Variants in AKAP6 observed in about 807,000 individuals in gnomAD.
The protein encoded by AKAP6 is A-kinase anchor protein 6.
In AKAP6, 58 loss-of-function variants were observed where a neutral mutation model predicts 188.5. The ratio of observed to expected loss-of-function variants is 0.31; its 90% CI spans 0.25 to 0.38. AKAP6 has a LOEUF of 0.38. AKAP6 is among the 10% of genes least tolerant of loss of function. The pLI is 1.00. For synonymous variants in AKAP6, 989 were observed against 998.6 expected, an observed-to-expected ratio of 0.99 and a Z score of 0.18; for missense variants, 2,710 against 2,740.0, an observed-to-expected ratio of 0.99 and a Z score of 0.24.
intron 7 of AKAP6, among the ~76,000 whole-genome samples, chr14:32,615,154 C>G (rs1397816326): frequency 5.4e-5 from 3 of 55,524 alleles, no homozygotes; most frequent in African/African-American, 1.0e-4. Context: ...GGCAACAGAG[C>G]AAGACTCTGT....
chr14:32,373,687 T>C (rs1299141299), intron 1 of AKAP6: 1 of 152,220 alleles, frequency 6.6e-6, no homozygotes, highest in African/African-American at 2.4e-5. Flanking sequence ...CGAAGTTAGT[T>C]CAGCCTATGC....
intron 1 of AKAP6, among the ~76,000 whole-genome samples, chr14:32,377,242 A>G (rs1304662199): frequency 1.3e-5 from 2 of 152,056 alleles, no homozygotes; most frequent in Non-Finnish European, 2.9e-5. Context: ...TGATGCAATT[A>G]TTTCTCTCGC....
intron 9 of AKAP6, among the ~76,000 whole-genome samples, chr14:32,699,799 CACTT>C (rs1231708680): frequency 9.8e-5 from 15 of 152,330 alleles, no homozygotes; most frequent in African/African-American, 3.6e-4. Context: ...CCCACTCTCT[CACTT>C]TCTTTCTCGT....
chr14:32,638,865 A>G (rs909152565), intron 7 of AKAP6, among the ~76,000 whole-genome samples: 6 of 152,030 alleles, frequency 3.9e-5, no homozygotes, highest in African/African-American at 1.4e-4. Flanking sequence ...TAATATAACT[A>G]TAATGCCAGA....
intron 7 of AKAP6, among the ~76,000 whole-genome samples, chr14:32,622,124 TG>T (rs1365106053): frequency 1.3e-5 from 2 of 152,146 alleles, no homozygotes; most frequent in Admixed American, 6.6e-5. Flanking sequence ...AAAGAAGGAA[TG>T]TACCACTGTA....
chr14:32,675,804 G>C (rs151165154), intron 7 of AKAP6, among the ~76,000 whole-genome samples: 2 of 152,140 alleles, frequency 1.3e-5, no homozygotes, highest in African/African-American at 4.8e-5. Context: ...ACTATTTTTC[G>C]AGTTACTCTC....
In AKAP6 at chr14:32,603,091, G is replaced by A. The variant is rs2139358885; in HGVS notation, c.2730+2299G>A. ...GAAGTGATCTAGATTAGGGTATCAG[G>A]GAGGGATTGTCATTCTGTGAACAGG... On this transcript the variant is annotated intron_variant, in intron 7 of 13. Transcript: ENST00000280979. Among the ~76,000 whole-genome samples, 3 of 152,326 alleles carry A rather than the reference G, an allele frequency of 2.0e-5. No individual in the cohort carries two copies. The South Asian group carries it at 6.2e-4, about 32-fold the overall frequency.
intron 3 of AKAP6, among the ~76,000 whole-genome samples, chr14:32,538,094 A>G (rs112709011): frequency 3.9e-5 from 6 of 152,338 alleles, no homozygotes; most frequent in South Asian, 2.1e-4. Flanking sequence ...ATATATTTCT[A>G]TGAATTAAAG....
At chr14:32,502,097 A>G (rs1880637167) in intron 2 of AKAP6, among the ~76,000 whole-genome samples, 1 of 152,138 alleles carries the variant, frequency 6.6e-6, no homozygotes, top group Non-Finnish European at 1.5e-5. Flanking sequence ...AGCCATTTCA[A>G]TCAATGTATA....
At chr14:32,684,401 G>C (rs904000055) in intron 8 of AKAP6, among the ~76,000 whole-genome samples, 17 of 152,126 alleles carry the variant, frequency 1.1e-4, no homozygotes, top group African/African-American at 4.1e-4. Flanking sequence ...GAGAATTCCA[G>C]GTAGTATCTT....
intron 1 of AKAP6, among the ~76,000 whole-genome samples, chr14:32,390,966 A>G (rs1324987083): frequency 6.6e-6 from 1 of 152,056 alleles, no homozygotes; most frequent in Admixed American, 6.5e-5. Flanking sequence ...TAAACGTTGC[A>G]TTTGCTACTA....
At chr14:32,419,018 A>T (rs1052045354) in intron 1 of AKAP6, among the ~76,000 whole-genome samples, 1 of 152,206 alleles carries the variant, frequency 6.6e-6, no homozygotes, top group Non-Finnish European at 1.5e-5. Context: ...GAAGCAATTC[A>T]TACTTTATCA....
intron 1 of AKAP6, among the ~76,000 whole-genome samples, chr14:32,361,002 A>G (rs1738489862): frequency 1.3e-5 from 2 of 149,794 alleles, no homozygotes; most frequent in Admixed American, 6.7e-5. Flanking sequence ...TTCTGCTTCA[A>G]CCTCCCAAAG....
intron 12 of AKAP6, among the ~76,000 whole-genome samples, chr14:32,804,333 G>T (rs570789206): frequency 6.6e-6 from 1 of 152,268 alleles, no homozygotes; most frequent in South Asian, 2.1e-4. Context: ...TCTCATTGCA[G>T]GCCAGACCCT....
intron 5 of AKAP6, among the ~76,000 whole-genome samples, chr14:32,591,738 G>A (rs1885496281): frequency 6.6e-6 from 1 of 150,928 alleles, no homozygotes; most frequent in Admixed American, 6.6e-5. Context: ...CAAGAGTACA[G>A]AGTTCTTTTA....
intron 4 of AKAP6, among the ~76,000 whole-genome samples, chr14:32,570,240 C>T (rs1235600613): frequency 1.4e-5 from 2 of 145,702 alleles, no homozygotes; most frequent in African/African-American, 5.0e-5. Flanking sequence ...AAGTGATTCT[C>T]GTGCCTCAGC....
rs890714957 is a variant in AKAP6, at chr14:32,388,961, C to G, written c.-34-44499C>G. On this transcript the variant is annotated intron_variant, in intron 1 of 13. Coordinates refer to ENST00000280979, the MANE Select transcript of AKAP6 (RefSeq NM_004274.5). ...TGCTGTCAGTGGAGTACTGAGGTCC[C>G]CCACTATTACTGTGTTGCTGTCTAT... Among the ~76,000 whole-genome samples, 7 of 152,056 alleles carry G rather than the reference C, an allele frequency of 4.6e-5. No individual in the cohort carries two copies. In the East Asian group the frequency reaches 1.2e-3, roughly 25 times the overall value.
chr14:32,446,424 C>T (rs1413514081), intron 2 of AKAP6, among the ~76,000 whole-genome samples: 1 of 152,060 alleles, frequency 6.6e-6, no homozygotes, highest in East Asian at 1.9e-4. Context: ...TACAAGGTTT[C>T]CTTTTCATTT....
At position 32,833,371 on chromosome 14, in the gene AKAP6, G is replaced by A. The variant is rs1186696189; in HGVS notation, c.*3566G>A. On this transcript the variant is annotated 3_prime_UTR_variant, in exon 14 of 14. Transcript: ENST00000280979. ...CTCAATTAAATGATGACCTCATTTA[G>A]TTTCTGATGAAGTTTCTCTACATTT... 39 of 152,170 alleles carry A rather than the reference G, an allele frequency of 2.6e-4. No individual in the cohort carries two copies. Among genetic ancestry groups the A allele is most frequent in the Admixed American group, 2.6e-3 (39 of 15,270 alleles). The allele number at this position is 152,170 out of a possible 1,614,324, so 9.4% of individuals were successfully genotyped here.
Sources: allele counts gnomAD v4.1 joint callset (sites outside exome capture counted in the v4.1 genomes callset), GRCh38; gene constraint gnomAD v4.1.1; transcripts MANE v1.5; gene names NCBI Gene and HGNC (gene_info 2026-07-23, HGNC 2026-07-21).